The following SDK1 variants were observed in gnomAD, a reference collection of about 807,000 sequenced individuals.
The protein encoded by SDK1 is sidekick cell adhesion molecule 1, also known as protein sidekick-1.
SDK1 carries 157 observed loss-of-function variants against 245.5 expected under a neutral mutation model. That is an observed-to-expected ratio of 0.64 (90% CI 0.56 to 0.73). SDK1 has a LOEUF of 0.73. SDK1 is among the 30% of genes least tolerant of loss of function. The pLI is 0.00. For missense variants in SDK1, 3,583 were observed against 3,002.3 expected (o/e 1.19, Z -4.52); for synonymous variants, 1,647 against 1,278.5 (o/e 1.29, Z -6.15).
chr7:4,074,184 A>G (rs1232749257), intron 20 of SDK1, among the ~76,000 whole-genome samples: 2 of 152,264 alleles, frequency 1.3e-5, no homozygotes, highest in Middle Eastern at 3.4e-3. Flanking sequence ...GCAGGATAGT[A>G]AACTTTCATC....
At chr7:3,772,025 A>T (rs763184710) in intron 4 of SDK1, among the ~76,000 whole-genome samples, 6 of 152,148 alleles carry the variant, frequency 3.9e-5, no homozygotes, top group Non-Finnish European at 7.3e-5. Flanking sequence ...TCATTTTGTG[A>T]CTGGCTTCTT....
At chr7:4,165,360 A>AAAACAAAC (rs58209155) in intron 32 of SDK1, among the ~76,000 whole-genome samples, 106 of 152,164 alleles carry the variant, frequency 7.0e-4, no homozygotes, top group African/African-American at 2.4e-3. Context: ...ACCTTGTCTC[A>AAAACAAAC]AAACAAACAA....
chr7:3,759,029 CCA>C (rs1476811591), intron 4 of SDK1, among the ~76,000 whole-genome samples: 1 of 152,162 alleles, frequency 6.6e-6, no homozygotes, highest in Non-Finnish European at 1.5e-5. Context: ...CTCGCATTAT[CCA>C]CAGTTTATTT....
chr7:3,775,427 T>G (rs1419535450), intron 4 of SDK1, among the ~76,000 whole-genome samples: 2 of 151,678 alleles, frequency 1.3e-5, no homozygotes, highest in South Asian at 4.2e-4. Flanking sequence ...TTTTTTTTTA[T>G]TTTATTTTTT....
intron 2 of SDK1, among the ~76,000 whole-genome samples, chr7:3,623,672 C>T (rs185418531): frequency 6.6e-6 from 1 of 152,066 alleles, no homozygotes; most frequent in Admixed American, 6.6e-5. Flanking sequence ...TGTATTCTTT[C>T]CAGAAAGCAT....
At chr7:4,058,780 A>T (rs1234356369) in intron 19 of SDK1, among the ~76,000 whole-genome samples, 1 of 152,214 alleles carries the variant, frequency 6.6e-6, no homozygotes, top group African/African-American at 2.4e-5. Context: ...AAGAGAAATA[A>T]AGTATTTCCT....
chr7:4,073,323 A>T (rs574698283), intron 20 of SDK1, among the ~76,000 whole-genome samples: 97 of 152,186 alleles, frequency 6.4e-4, no homozygotes, highest in African/African-American at 2.1e-3. Context: ...CAGGCATCAC[A>T]CGTCTTGGGC....
chr7:3,818,612 A>T (rs569600586), intron 4 of SDK1, among the ~76,000 whole-genome samples: 1 of 152,280 alleles, frequency 6.6e-6, no homozygotes, highest in African/African-American at 2.4e-5. Context: ...GTGAATCTGT[A>T]TTGGAGTGTT....
intron 44 of SDK1, among the ~76,000 whole-genome samples, chr7:4,257,984 C>T (rs1220166547): frequency 6.6e-6 from 1 of 152,200 alleles, no homozygotes; most frequent in Non-Finnish European, 1.5e-5. Context: ...GAGGCCTAGA[C>T]ACAAACAACA....
At chr7:4,040,128 A>G (rs1357622222) in intron 17 of SDK1, among the ~76,000 whole-genome samples, 1 of 152,188 alleles carries the variant, frequency 6.6e-6, no homozygotes, top group Non-Finnish European at 1.5e-5. Context: ...GTCTCACCAC[A>G]CTGGGGGCTG....
intron 30 of SDK1, among the ~76,000 whole-genome samples, chr7:4,152,848 C>T (rs1373098792): frequency 2.0e-5 from 3 of 152,280 alleles, no homozygotes; most frequent in Non-Finnish European, 2.9e-5. Flanking sequence ...ACTGTGACTA[C>T]GTCCAGGGAA....
Position 3,948,463 on chromosome 7 carries a change from C to T in SDK1, c.848-2460C>T, listed in dbSNP as rs1319590388. Reference sequence around the variant, plus strand: ...ATTTTTAGTAGAGATGGGGTTTCACCGTGTTAGCCAGGATGGTCTCGATCT... The same window carrying T: ...ATTTTTAGTAGAGATGGGGTTTCACTGTGTTAGCCAGGATGGTCTCGATCT... On this transcript the variant is annotated intron_variant, in intron 5 of 44. Transcript: ENST00000404826. Among the ~76,000 whole-genome samples the T allele has an allele frequency of 5.3e-5, 8 of 152,162 alleles. No individual in the cohort carries two copies. The South Asian group carries it at 1.0e-3, about 20-fold the overall frequency.
chr7:3,610,505 G>C (rs1189111515), intron 1 of SDK1, among the ~76,000 whole-genome samples: 1 of 152,192 alleles, frequency 6.6e-6, no homozygotes, highest in African/African-American at 2.4e-5. Context: ...AGAGCTGGAA[G>C]CTTATTTCAG....
At chr7:3,410,049 G>A (rs574593440) in intron 1 of SDK1, among the ~76,000 whole-genome samples, 1 of 152,198 alleles carries the variant, frequency 6.6e-6, no homozygotes, top group Non-Finnish European at 1.5e-5. Context: ...ATTCTTGTGA[G>A]AATGAAATGA....
At chr7:3,628,810 G>T (rs535233197) in intron 2 of SDK1, among the ~76,000 whole-genome samples, 1 of 152,178 alleles carries the variant, frequency 6.6e-6, no homozygotes, top group South Asian at 2.1e-4. Flanking sequence ...GATTGTGATC[G>T]CTGAGAGATG....
intron 15 of SDK1, among the ~76,000 whole-genome samples, chr7:4,011,589 C>G (rs1474170029): frequency 1.3e-5 from 2 of 152,242 alleles, no homozygotes; most frequent in African/African-American, 4.8e-5. Context: ...TGAAAAATCT[C>G]ATTCGGAGGT....
At chr7:4,069,144 G>C (rs1780083294) in intron 20 of SDK1, among the ~76,000 whole-genome samples, 1 of 152,186 alleles carries the variant, frequency 6.6e-6, no homozygotes, top group Admixed American at 6.5e-5. Flanking sequence ...GGCTGGGCAG[G>C]GCCCCCTGTT....
intron 5 of SDK1, among the ~76,000 whole-genome samples, chr7:3,908,089 T>C (rs1215256180): frequency 1.3e-5 from 2 of 152,144 alleles, no homozygotes; most frequent in African/African-American, 4.8e-5. Context: ...AACAAACATT[T>C]ATTGAGTGCC....
chr7:3,994,034 C>CT (rs936226391), intron 14 of SDK1, among the ~76,000 whole-genome samples: 9 of 152,128 alleles, frequency 5.9e-5, no homozygotes, highest in African/African-American at 2.2e-4. Flanking sequence ...TCCATTTTCT[C>CT]TGACTCATTG....
Sources: allele counts gnomAD v4.1 joint callset (sites outside exome capture counted in the v4.1 genomes callset), GRCh38; gene constraint gnomAD v4.1.1; transcripts MANE v1.5; gene names NCBI Gene and HGNC (gene_info 2026-07-23, HGNC 2026-07-21).